The following PCBD2 variants were observed in gnomAD, a reference collection of about 807,000 sequenced individuals.
The protein encoded by PCBD2 is pterin-4-alpha-carbinolamine dehydratase 2.
PCBD2 carries 12 observed loss-of-function variants against 16.4 expected under a neutral mutation model. The observed-to-expected ratio is 0.73, with a 90% CI of 0.47 to 1.19. The LOEUF (loss-of-function observed/expected upper bound fraction) is 1.19, where lower values mean the gene tolerates loss of function less well. Ranked by LOEUF, PCBD2 falls within the 50% of genes most tolerant of loss-of-function variation. The probability of loss-of-function intolerance (pLI) is 0.00; values close to 1 mark genes in which losing one functional copy is unlikely to be tolerated. For synonymous variants in PCBD2, 58 were observed against 61.8 expected, an observed-to-expected ratio of 0.94 and a Z score of 0.29; for missense variants, 138 against 156.8, an observed-to-expected ratio of 0.88 and a Z score of 0.64.
chr5:134,925,765 CAG>C (rs543869004), intron 2 of PCBD2: 8 of 395,778 alleles, frequency 2.0e-5, no homozygotes, highest in Non-Finnish European at 2.7e-5. Flanking sequence ...TGAGGGGAGT[CAG>C]GGGTGAAGGC....
chr5:134,924,253 T>C (rs965692435), intron 2 of PCBD2: 18 of 395,590 alleles, frequency 4.6e-5, no homozygotes, highest in African/African-American at 3.3e-4. Context: ...GTTATTATTC[T>C]GAATTACGGG....
At chr5:134,905,476 G>A (rs1447155462) in intron 1 of PCBD2, 1 of 353,044 alleles carries the variant, frequency 2.8e-6, no homozygotes. Context: ...CTTGCCAACC[G>A]GAAACAAATG....
chr5:134,909,039 C>T (rs1013703791), intron 1 of PCBD2: 1 of 152,234 alleles, frequency 6.6e-6, no homozygotes, highest in Admixed American at 6.5e-5. Flanking sequence ...GAGAACCCTG[C>T]TTTCCTGACT....
intron 2 of PCBD2, among the ~76,000 whole-genome samples, chr5:134,941,367 A>G (rs979180259): frequency 2.0e-5 from 3 of 152,178 alleles, no homozygotes; most frequent in Non-Finnish European, 2.9e-5. Context: ...CATATTATCT[A>G]ATGTTTCCAC....
chr5:134,906,523 GC>G (rs1485749080), intron 1 of PCBD2, among the ~76,000 whole-genome samples: 2 of 152,070 alleles, frequency 1.3e-5, no homozygotes, highest in African/African-American at 2.4e-5. Flanking sequence ...TAGGCACTCC[GC>G]CGCTTCTTGT....
chr5:134,908,872 G>C (rs1258729290), intron 1 of PCBD2: 2 of 152,168 alleles, frequency 1.3e-5, no homozygotes, highest in Admixed American at 1.3e-4. Flanking sequence ...GTGAGTTGCA[G>C]CTTAATGGCA....
chr5:134,911,019 C>T (rs1221844556), intron 2 of PCBD2, among the ~76,000 whole-genome samples: 1 of 152,182 alleles, frequency 6.6e-6, no homozygotes, highest in Non-Finnish European at 1.5e-5. Context: ...AATTCCTGGC[C>T]TCAAGCGATC....
chr5:134,919,375 TG>T (rs1750875130), intron 2 of PCBD2, among the ~76,000 whole-genome samples: 1 of 152,242 alleles, frequency 6.6e-6, no homozygotes, highest in Non-Finnish European at 1.5e-5. Flanking sequence ...GAAAATGTTG[TG>T]GGTTTAAATC....
At chr5:134,943,056 G>A (rs1561913396) in intron 2 of PCBD2, among the ~76,000 whole-genome samples, 1 of 152,164 alleles carries the variant, frequency 6.6e-6, no homozygotes, top group East Asian at 1.9e-4. Flanking sequence ...GTCTCCTTGT[G>A]CATAAGTGTA....
At chr5:134,910,988 A>G (rs180864052) in intron 2 of PCBD2, among the ~76,000 whole-genome samples, 15 of 152,180 alleles carry the variant, frequency 9.9e-5, no homozygotes, top group African/African-American at 3.1e-4. Context: ...GGGTCTGGCT[A>G]TGTTGCCCAG....
At chr5:134,910,302 C>G (rs1750752182) in intron 1 of PCBD2, 33 bp from the exon 2 acceptor site, 2 of 1,601,856 alleles carry the variant, frequency 1.2e-6, no homozygotes, top group African/African-American at 2.7e-5. Context: ...TAAACTTGTA[C>G]ATTTTCAGAT....
intron 2 of PCBD2, among the ~76,000 whole-genome samples, chr5:134,913,578 G>C (rs1750794436): frequency 6.6e-6 from 1 of 152,182 alleles, no homozygotes; most frequent in South Asian, 2.1e-4. Flanking sequence ...TTCTGTGAAG[G>C]AAAGCTAATG....
At chr5:134,919,587 A>C (rs1011958613) in intron 2 of PCBD2, among the ~76,000 whole-genome samples, 1 of 152,230 alleles carries the variant, frequency 6.6e-6, no homozygotes, top group African/African-American at 2.4e-5. Flanking sequence ...AGTGGTCACA[A>C]ATGGGTTGCT....
At chr5:134,948,175 A>C (rs1751320302) in intron 2 of PCBD2, among the ~76,000 whole-genome samples, 1 of 152,252 alleles carries the variant, frequency 6.6e-6, no homozygotes, top group African/African-American at 2.4e-5. Flanking sequence ...AAAGATTGTG[A>C]GAAATTTAAG....
intron 2 of PCBD2, chr5:134,925,103 G>A: frequency 2.5e-6 from 1 of 397,292 alleles, no homozygotes; most frequent in East Asian, 3.6e-5. Context: ...CGTTTAATGG[G>A]GTTTAGTAGG....
chr5:134,960,283 T>C (rs905769013), intron 3 of PCBD2, among the ~76,000 whole-genome samples: 1 of 152,198 alleles, frequency 6.6e-6, no homozygotes, highest in African/African-American at 2.4e-5. Flanking sequence ...AATTGGAACC[T>C]CAGTCTCTCT....
At chr5:134,957,706 A>G (rs1436133475) in intron 2 of PCBD2, among the ~76,000 whole-genome samples, 5 of 152,200 alleles carry the variant, frequency 3.3e-5, no homozygotes, top group African/African-American at 1.2e-4. Flanking sequence ...AAAAATAAAA[A>G]ACAGGCTTTT....
At position 134,905,134 on chromosome 5, in the gene PCBD2, C is replaced by G; in HGVS notation, c.-6C>G. ...AGCGCGCGGGGCAGCCCTCGGCAGA[C>G]GGCCAATGGCGGCGGTGCTCGGGGC... On this transcript the variant is annotated 5_prime_UTR_variant, in exon 1 of 4. Coordinates refer to ENST00000254908, the MANE Select transcript of PCBD2 (RefSeq NM_032151.5). 8.2e-7 allele frequency: 1 copy of G among 1,216,942 alleles called. No homozygotes were observed. The allele number at this position is 1,216,942 out of a possible 1,614,324, so 75.4% of individuals were successfully genotyped here.
At position 134,961,542 on chromosome 5, in the gene PCBD2, CGAAAGTGTTGG is replaced by C. The variant is rs1378700649; in HGVS notation, c.*864_*874del. Among the ~76,000 whole-genome samples, 1 of 152,098 alleles carries C rather than the reference CGAAAGTGTTGG, an allele frequency of 6.6e-6. No individual in the cohort carries two copies. The highest frequency in any genetic ancestry group is 1.5e-5 in the Non-Finnish European group (1 of 68,022). ...CTCGTGATCCACCTGCCTCCACCTC[CGAAAGTGTTGG>C]GATCACAGGCATGAGCCACCGCGCT... On this transcript the variant is annotated 3_prime_UTR_variant, in exon 4 of 4. Transcript: ENST00000254908.
Sources: allele counts gnomAD v4.1 joint callset (sites outside exome capture counted in the v4.1 genomes callset), GRCh38; gene constraint gnomAD v4.1.1; transcripts MANE v1.5; gene names NCBI Gene and HGNC (gene_info 2026-07-23, HGNC 2026-07-21).